The following FOXN1 variants were observed in gnomAD, a reference collection of about 807,000 sequenced individuals.
The protein encoded by FOXN1 is forkhead box N1, also known as forkhead box protein N1.
In FOXN1, 15 loss-of-function variants were observed where a neutral mutation model predicts 49.0. The ratio of observed to expected loss-of-function variants is 0.31; its 90% CI spans 0.20 to 0.47. The LOEUF (loss-of-function observed/expected upper bound fraction) is 0.47, where lower values mean the gene tolerates loss of function less well. FOXN1 is among the 20% of genes least tolerant of loss of function. The pLI is 1.00. For synonymous variants in FOXN1, 356 were observed against 369.0 expected, an observed-to-expected ratio of 0.96 and a Z score of 0.40; for missense variants, 800 against 842.8, an observed-to-expected ratio of 0.95 and a Z score of 0.63.
chr17:28,516,660 C>T (rs1052868230), intron 1 of FOXN1, among the ~76,000 whole-genome samples: 5 of 150,192 alleles, frequency 3.3e-5, no homozygotes, highest in Non-Finnish European at 7.4e-5. Flanking sequence ...GGGTACACAC[C>T]TCCACAGGAT....
intron 2 of FOXN1, 21 bp from the exon 3 acceptor site, chr17:28,524,482 C>T (rs779537720): frequency 1.2e-6 from 2 of 1,608,076 alleles, no homozygotes; most frequent in East Asian, 2.2e-5. Flanking sequence ...CTCACAGGCT[C>T]GCTACTCTCT....
At chr17:28,520,500 A>T (rs79528162) in intron 1 of FOXN1, among the ~76,000 whole-genome samples, 2,614 of 152,332 alleles carry the variant, frequency 0.017, 78 homozygotes, top group African/African-American at 0.06. Context: ...AGGACCAGTC[A>T]GGAACCTCTG....
chr17:28,525,001 C>T (rs759334091), intron 3 of FOXN1, 34 bp downstream of exon 3: 5 of 1,487,328 alleles, frequency 3.4e-6, no homozygotes, highest in Non-Finnish European at 4.6e-6. Flanking sequence ...GTCCCATCTT[C>T]CCACTGTCCC....
Position 28,538,673 on chromosome 17 carries a change from G to A in FOXN1, c.*1237G>A, listed in dbSNP as rs1173316715. On this transcript the variant is annotated 3_prime_UTR_variant, in exon 9 of 9. Coordinates refer to ENST00000579795, the MANE Select transcript of FOXN1 (RefSeq NM_001369369.1). ...CGCTTTGACTGCTTGGCAGACCTAG[G>A]GTGCCCGGGAAGCACAAGGGATACC... The A allele has an allele frequency of 2.0e-5, 3 of 152,198 alleles. No individual in the cohort carries two copies. In the East Asian group the frequency reaches 5.8e-4, roughly 29 times the overall value. The allele number at this position is 152,198 out of a possible 1,614,324, so 9.4% of individuals were successfully genotyped here.
chr17:28,524,913 G>C lies in FOXN1; in HGVS notation c.534G>C (p.Glu178Asp), dbSNP rs199509379. The C allele has an allele frequency of 5.1e-5, 82 of 1,613,074 alleles. No individual in the cohort carries two copies. Among genetic ancestry groups the C allele is most frequent in the Non-Finnish European group, 8.5e-7 (1 of 1,180,032 alleles). Residue 178 changes from glutamate to aspartate, a missense_variant, in exon 3 of 9, where the codon GAG (glutamate) becomes GAC (aspartate). Glu to Asp is a conservative substitution (Grantham distance 45). Coordinates refer to ENST00000579795, the MANE Select transcript of FOXN1 (RefSeq NM_001369369.1). ...AEAFLPGFSA[E>D]AWCNGLPYPS... ...CCTTCCTGCCTGGCTTCTCAGCAGA[G>C]GCCTGGTGTAACGGGCTCCCCTACC... is the stretch of plus-strand genomic sequence containing the variant.
At chr17:28,507,741 G>C (rs1195721844) in intron 1 of FOXN1, among the ~76,000 whole-genome samples, 1 of 152,146 alleles carries the variant, frequency 6.6e-6, no homozygotes, top group Non-Finnish European at 1.5e-5. Context: ...TGTCCCCACC[G>C]GGCTTGGCTC....
At chr17:28,521,091 C>T (rs918820518) in intron 1 of FOXN1, among the ~76,000 whole-genome samples, 2 of 152,358 alleles carry the variant, frequency 1.3e-5, no homozygotes, top group Admixed American at 1.3e-4. Flanking sequence ...ACCTCGTGCA[C>T]ACCATCCTCA....
intron 1 of FOXN1, among the ~76,000 whole-genome samples, chr17:28,522,634 G>A (rs996453041): frequency 6.6e-6 from 1 of 151,832 alleles, no homozygotes; most frequent in African/African-American, 2.4e-5. Flanking sequence ...GCAACAGAGG[G>A]AGACTCCGTC....
chr17:28,531,935 C>T (rs2069924686), intron 6 of FOXN1, among the ~76,000 whole-genome samples: 1 of 152,110 alleles, frequency 6.6e-6, no homozygotes, highest in African/African-American at 2.4e-5. Context: ...GTGTGTTGAT[C>T]CACCAGAGGT....
intron 1 of FOXN1, among the ~76,000 whole-genome samples, chr17:28,518,290 G>A (rs2069572494): frequency 6.6e-6 from 1 of 152,222 alleles, no homozygotes; most frequent in South Asian, 2.1e-4. Flanking sequence ...ATGGTCCCAG[G>A]GCCTCGTTTG....
At chr17:28,512,428 C>G (rs1357070883) in intron 1 of FOXN1, among the ~76,000 whole-genome samples, 3 of 152,234 alleles carry the variant, frequency 2.0e-5, no homozygotes, top group Non-Finnish European at 4.4e-5. Context: ...ACCTTGTCCA[C>G]CTCCAAGTCC....
At chr17:28,513,880 G>A (rs990576114) in intron 1 of FOXN1, among the ~76,000 whole-genome samples, 2 of 152,316 alleles carry the variant, frequency 1.3e-5, no homozygotes, top group African/African-American at 4.8e-5. Context: ...GCCAGGGATG[G>A]CGAAAAGGAA....
chr17:28,536,636 T>C (rs1054570858), intron 8 of FOXN1, among the ~76,000 whole-genome samples: 3 of 152,178 alleles, frequency 2.0e-5, no homozygotes, highest in Non-Finnish European at 4.4e-5. Context: ...CGGACTCAGG[T>C]GTGCATCCTG....
rs761614863 is a variant in FOXN1, at chr17:28,524,060, C to A, written c.91C>A (p.Pro31Thr). 6.2e-6 allele frequency: 10 copies of A among 1,609,646 alleles called. No individual in the cohort carries two copies. The South Asian group carries it at 1.1e-4, about 18-fold the overall frequency. The change falls in exon 2 of 9, where the codon CCG becomes ACG. Residue 31 changes from proline to threonine, a missense_variant. Pro to Thr is a conservative substitution (Grantham distance 38). Coordinates refer to ENST00000579795, the MANE Select transcript of FOXN1 (RefSeq NM_001369369.1). ...GCGCCAAGGGGACCTCATGCAGGCA[C>A]CGGGCCTCCCAGGCTCCCCTGCCCC... ...GERQGDLMQA[P>T]GLPGSPAPQS...
intron 1 of FOXN1, among the ~76,000 whole-genome samples, chr17:28,514,750 G>A (rs1002884649): frequency 1.3e-5 from 2 of 152,164 alleles, no homozygotes; most frequent in Non-Finnish European, 2.9e-5. Context: ...GTAGGAGGCC[G>A]CCAGGTGGGA....
chr17:28,519,217 G>A (rs574262446), intron 1 of FOXN1, among the ~76,000 whole-genome samples: 2 of 152,138 alleles, frequency 1.3e-5, no homozygotes, highest in Non-Finnish European at 2.9e-5. Context: ...TGTAATCTCA[G>A]CACTTTGGGA....
At chr17:28,533,934 C>T (rs2069982776) in intron 6 of FOXN1, among the ~76,000 whole-genome samples, 2 of 152,128 alleles carry the variant, frequency 1.3e-5, no homozygotes, top group African/African-American at 4.8e-5. Flanking sequence ...AATGAGTCCC[C>T]CTTCCACAGA....
chr17:28,507,037 G>C (rs1555606230), intron 1 of FOXN1, among the ~76,000 whole-genome samples: 1 of 152,222 alleles, frequency 6.6e-6, no homozygotes, highest in East Asian at 1.9e-4. Context: ...AGGTGCTGTG[G>C]CCATGAGTTG....
In FOXN1 at chr17:28,527,315, C is replaced by T. The variant is rs769545823; in HGVS notation, c.653C>T (p.Pro218Leu). Reference protein sequence around the residue: ...ESGAGMFCYQPPLQHMYCSSQ... With the variant: ...ESGAGMFCYQLPLQHMYCSSQ... ...GGTGCTGGGATGTTCTGCTACCAGC[C>T]TCCCTTGCAGCATATGTACTGCTCC... Residue 218 changes from proline (P) to leucine (L), a missense_variant, in exon 4 of 9, where the codon CCT becomes CTT. Around this residue, in one of 3 missense-constraint regions of FOXN1, gnomAD observed 383 missense variants for 357.9 expected, o/e 1.07. Transcript: ENST00000579795. 9 of 1,613,986 alleles carry T rather than the reference C, an allele frequency of 5.6e-6. No homozygotes were observed. The highest frequency in any genetic ancestry group is 7.6e-6 in the Non-Finnish European group (9 of 1,179,890).
Sources: allele counts gnomAD v4.1 joint callset (sites outside exome capture counted in the v4.1 genomes callset), GRCh38; gene constraint gnomAD v4.1.1; regional missense constraint gnomAD v4.1.1; transcripts MANE v1.5; gene names NCBI Gene and HGNC (gene_info 2026-07-23, HGNC 2026-07-21).